PTPRB: variants seen among roughly 807,000 people sequenced by gnomAD.
PTPRB encodes the protein receptor-type tyrosine-protein phosphatase beta.
A neutral mutation model predicts 238.1 loss-of-function variants in PTPRB; 97 were observed. The ratio of observed to expected loss-of-function variants is 0.41; its 90% CI spans 0.35 to 0.48. The LOEUF (loss-of-function observed/expected upper bound fraction) is 0.48, where lower values mean the gene tolerates loss of function less well. Among genes scored for constraint, PTPRB ranks in the 20% least tolerant of loss-of-function variants. The pLI, the probability that PTPRB is intolerant of heterozygous loss-of-function variation, is 0.30. For missense variants in PTPRB, 2,292 were observed against 2,681.9 expected (o/e 0.85, Z 3.21); for synonymous variants, 970 against 995.4 (o/e 0.97, Z 0.48).
At position 70,534,929 on chromosome 12, in the gene PTPRB, C is replaced by T. The variant is rs369428514; in HGVS notation, c.6108G>A (p.Ala2036=). Residue 2036 remains alanine (A), a synonymous_variant, in exon 30 of 34, where the codon GCG becomes GCA. Transcript: ENST00000334414. ...GRVKCDHYWP[A]DQDSLYYGDL... ...CCCCATAGTAGAGGGAATCCTGGTC[C>T]GCTGGCCAGTAATGATCACACTTTA... 3.7e-5 allele frequency: 60 copies of T among 1,613,776 alleles called. 1 individual carries two copies. Among genetic ancestry groups the T allele is most frequent in the African/African-American group, 3.3e-4 (25 of 75,014 alleles).
At chr12:70,593,000 G>A (rs190744422) in intron 6 of PTPRB, among the ~76,000 whole-genome samples, 10 of 152,210 alleles carry the variant, frequency 6.6e-5, no homozygotes, top group East Asian at 1.9e-4. Flanking sequence ...ATTTCTTATC[G>A]CCTTTATATA....
At chr12:70,557,140 C>T (rs185943753) in intron 18 of PTPRB, among the ~76,000 whole-genome samples, 52 of 152,212 alleles carry the variant, frequency 3.4e-4, no homozygotes, top group South Asian at 6.2e-4. Flanking sequence ...CAAGGTATCA[C>T]GAAAGAGGCA....
Position 70,566,573 on chromosome 12 carries a change from G to A in PTPRB, c.3766C>T (p.Leu1256=), listed in dbSNP as rs371547973. ...ILLLTENGIL[L]RNTSEPATTK... ...GTGGCTGGCTCTGATGTGTTGCGCA[G>A]AAGGATTCCATTTTCAGTTAGAAGC... The change falls in exon 15 of 34, where the codon CTG becomes TTG. Residue 1256 remains leucine, a synonymous_variant. Transcript: ENST00000334414. 167 of 1,613,984 alleles carry A rather than the reference G, an allele frequency of 1.0e-4. 2 individuals carry two copies. In the East Asian group the frequency reaches 3.4e-3, roughly 33 times the overall value.
chr12:70,569,598 C>T, intron 14 of PTPRB, 77 bp downstream of exon 14: 1 of 1,545,594 alleles, frequency 6.5e-7, no homozygotes, highest in Non-Finnish European at 8.9e-7. Flanking sequence ...TTGTGAATAG[C>T]TGAGCCCGTT....
At position 70,539,826 on chromosome 12, in the gene PTPRB, C is replaced by T. The variant is rs1157700231; in HGVS notation, c.5696+1G>A. 1 of 1,595,430 alleles carries T rather than the reference C, an allele frequency of 6.3e-7. No homozygotes were observed. The highest frequency in any genetic ancestry group is 1.3e-5 in the African/African-American group (1 of 74,468). ...AGTAATTAATGTGTTCTCTCTCTTA[C>T]CAAGAAGTTTTCCGGTTACTGTGAA... On this transcript the variant is annotated splice_donor_variant, in intron 25 of 33. Transcript: ENST00000334414. LOFTEE classifies it high-confidence loss of function.
At chr12:70,619,157 AGT>A (rs3049143) in intron 3 of PTPRB, among the ~76,000 whole-genome samples, 6,474 of 141,940 alleles carry the variant, frequency 0.046, 169 homozygotes, top group South Asian at 0.11. Flanking sequence ...TGTTTAGGGG[AGT>A]GTGTGTGTGT....
intron 24 of PTPRB, 29 bp downstream of exon 24, chr12:70,539,910 A>G (rs1270110572): frequency 6.9e-6 from 11 of 1,589,118 alleles, no homozygotes; most frequent in Non-Finnish European, 9.5e-6. Flanking sequence ...TCTTTCAACA[A>G]ATTATACGAA....
intron 14 of PTPRB, among the ~76,000 whole-genome samples, chr12:70,568,276 G>A (rs1879564898): frequency 1.3e-5 from 2 of 152,074 alleles, no homozygotes; most frequent in African/African-American, 4.8e-5. Context: ...CTTGAGGTCA[G>A]GGGCTTTGCC....
chr12:70,547,490 CT>C, intron 21 of PTPRB, among the ~76,000 whole-genome samples: 1 of 148,662 alleles, frequency 6.7e-6, no homozygotes. Flanking sequence ...TGTGGAAATA[CT>C]TTTTTTCTTT....
Position 70,569,714 on chromosome 12 carries a change from C to T in PTPRB, c.3595G>A (p.Gly1199Arg), listed in dbSNP as rs371970511. 34 of 1,613,728 alleles carry T rather than the reference C, an allele frequency of 2.1e-5. No homozygotes were observed. Among genetic ancestry groups the T allele is most frequent in the Non-Finnish European group, 2.5e-5 (29 of 1,179,872 alleles). ...ACATTTATCTGATTCTTCAGGGACC[C>T]GCTGACTGAGGCAATCATGATCTGG... ...QYQIMIASVS[G>R]SLKNQINVVG... is the part of the protein sequence containing the mutation. Residue 1199 changes from glycine (G) to arginine (R), a missense_variant, in exon 14 of 34, where the codon GGG (glycine) becomes AGG (arginine). Physicochemically the swap from Gly to Arg is moderately radical, Grantham distance 125. This residue lies in a region of PTPRB where 683 missense variants were observed against 862.0 expected (regional missense o/e 0.79). Transcript: ENST00000334414.
intron 29 of PTPRB, 124 bp downstream of exon 29, chr12:70,535,901 G>A: frequency 2.5e-6 from 3 of 1,192,926 alleles, no homozygotes; most frequent in Non-Finnish European, 3.6e-6. Context: ...AGTGGTATAA[G>A]TCACTAACAA....
At chr12:70,558,457 A>G (rs2136320317) in intron 18 of PTPRB, among the ~76,000 whole-genome samples, 1 of 152,324 alleles carries the variant, frequency 6.6e-6, no homozygotes, top group African/African-American at 2.4e-5. Context: ...ATCTGATCTG[A>G]TCCCAGAAGC....
At chr12:70,525,675 C>G (rs1006097332) in intron 32 of PTPRB, among the ~76,000 whole-genome samples, 9 of 152,226 alleles carry the variant, frequency 5.9e-5, no homozygotes, top group African/African-American at 2.2e-4. Context: ...GCATTGGGCC[C>G]CCTTCCTTAT....
At chr12:70,614,767 T>G (rs2717434) in intron 3 of PTPRB, among the ~76,000 whole-genome samples, 44,550 of 152,064 alleles carry the variant, frequency 0.29, 6,956 homozygotes, top group East Asian at 0.57. Flanking sequence ...GCAAATCCTT[T>G]TCTGAGTTTT....
chr12:70,549,888 C>T (rs114438918), intron 21 of PTPRB, among the ~76,000 whole-genome samples: 1,524 of 146,772 alleles, frequency 0.01, 22 homozygotes, highest in African/African-American at 0.034. Flanking sequence ...AGCCATAACA[C>T]GAATGTGTTA....
Position 70,592,601 on chromosome 12 carries a change from T to C in PTPRB, c.1517-56A>G, listed in dbSNP as rs920104998. On this transcript the variant is annotated intron_variant, in intron 6 of 33. Coordinates refer to ENST00000334414, the MANE Select transcript of PTPRB (RefSeq NM_001109754.4). ...TACTCAGGATCTCTCACAAGTCCTA[T>C]GGCCAAATTTTGACCTGTAATTTTA... 14 of 1,545,884 alleles carry C rather than the reference T, an allele frequency of 9.1e-6. No individual in the cohort carries two copies. In the African/African-American group the frequency reaches 1.5e-4, roughly 17 times the overall value.
At position 70,560,732 on chromosome 12, in the gene PTPRB, C is replaced by A. The variant is rs1205423659; in HGVS notation, c.4371G>T (p.Val1457=). ...FQGLVPGRKY[V]LWVVTHSGDL... is the part of the protein sequence containing the mutation. ...CTCCACTGTGAGTTACCACCCACAG[C>A]ACGTACTTCCTTCCAGGAACAAGGC... The change falls in exon 17 of 34, where the codon GTG becomes GTT. Residue 1457 remains valine, a synonymous_variant. Transcript: ENST00000334414. The surrounding 1 kb of genome is among the most constrained non-coding windows in gnomAD (Gnocchi z 4.2). 1 of 1,614,000 alleles carries A rather than the reference C, an allele frequency of 6.2e-7. No individual in the cohort carries two copies. Among genetic ancestry groups the A allele is most frequent in the Admixed American group, 1.7e-5 (1 of 60,018 alleles).
At chr12:70,574,575 G>A (rs1158206387) in intron 11 of PTPRB, among the ~76,000 whole-genome samples, 1 of 152,218 alleles carries the variant, frequency 6.6e-6, no homozygotes, top group Non-Finnish European at 1.5e-5. Context: ...TCTCCAGGTG[G>A]AACGGGGTAA....
At chr12:70,631,461 A>G (rs535078180) in intron 2 of PTPRB, among the ~76,000 whole-genome samples, 2 of 152,310 alleles carry the variant, frequency 1.3e-5, no homozygotes, top group African/African-American at 4.8e-5. Context: ...TGTTAGACCT[A>G]AAACCATAAA....
Sources: gnomAD v4.1 joint callset for allele counts (sites outside exome capture counted in the v4.1 genomes callset) on GRCh38, gnomAD v4.1.1 for gene constraint, gnomAD v4.1.1 regional missense constraint, Gnocchi (gnomAD v3.1) non-coding constraint, MANE v1.5 for transcripts, NCBI Gene and HGNC (gene_info 2026-07-23, HGNC 2026-07-21) for gene names.